ZNF652: variants seen among roughly 807,000 people sequenced by gnomAD.
ZNF652 encodes the protein zinc finger protein 652.
In ZNF652, 16 loss-of-function variants were observed where a neutral mutation model predicts 45.2. The observed-to-expected ratio is 0.35, with a 90% confidence interval of 0.24 to 0.54. The LOEUF (loss-of-function observed/expected upper bound fraction) is 0.54. Ranked by LOEUF, ZNF652 falls within the 20% of genes least tolerant of loss-of-function variation. ZNF652 has a pLI of 0.91. For missense variants in ZNF652, 614 were observed against 765.6 expected (o/e 0.80, Z 2.34); for synonymous variants, 250 against 260.6 (o/e 0.96, Z 0.39).
At chr17:49,339,386 T>A (rs1358148048) in intron 1 of ZNF652, among the ~76,000 whole-genome samples, 1 of 149,660 alleles carries the variant, frequency 6.7e-6, no homozygotes, top group Non-Finnish European at 1.5e-5. Context: ...TATTTAAAAG[T>A]AATAACAAAA....
intron 1 of ZNF652, among the ~76,000 whole-genome samples, chr17:49,341,575 G>A (rs963908617): frequency 2.6e-5 from 4 of 151,224 alleles, no homozygotes; most frequent in African/African-American, 4.9e-5. Context: ...GAGAAGGAAG[G>A]ATCGCTTGAG....
rs2069449359 is a variant in ZNF652, at chr17:49,294,783, G to A, written c.*3630C>T. ...AAGTAACGAGAGACAGCCTCAATTT[G>A]TTATCTATATAATGCTTAAATGCAG... On this transcript the variant is annotated 3_prime_UTR_variant, in exon 6 of 6. Coordinates refer to ENST00000430262, the MANE Select transcript of ZNF652 (RefSeq NM_001145365.3). 1.3e-5 allele frequency: 2 copies of A among 152,158 alleles called. No homozygotes were observed. Among genetic ancestry groups the A allele is most frequent in the African/African-American group, 4.8e-5 (2 of 41,438 alleles). 9.4% of individuals were successfully genotyped at this position (152,158 alleles called of 1,614,324 possible).
rs1481653443 is a variant in ZNF652 at position 49,296,480 on chromosome 17, A to C, written c.*1933T>G. 2 of 152,634 alleles carry C rather than the reference A, an allele frequency of 1.3e-5. No individual in the cohort carries two copies. The highest frequency in any genetic ancestry group is 6.5e-5 in the Admixed American group (1 of 15,282). 9.5% of individuals were successfully genotyped at this position (152,634 alleles called of 1,614,324 possible). On this transcript the variant is annotated 3_prime_UTR_variant, in exon 6 of 6. Coordinates refer to ENST00000430262, the MANE Select transcript of ZNF652 (RefSeq NM_001145365.3). ...GTGCTCGAAGCATATCTGCACATTT[A>C]ATATTAAAAATAAAAAAATAAATAA...
chr17:49,339,549 C>A (rs774288222), intron 1 of ZNF652, among the ~76,000 whole-genome samples: 23 of 152,070 alleles, frequency 1.5e-4, no homozygotes, highest in Non-Finnish European at 3.2e-4. Context: ...ACTTCCAAGA[C>A]AATCTGGCCT....
chr17:49,321,342 C>A (rs2069888861), intron 1 of ZNF652, among the ~76,000 whole-genome samples: 1 of 151,396 alleles, frequency 6.6e-6, no homozygotes, highest in South Asian at 2.1e-4. Flanking sequence ...TGGCTCACTG[C>A]AACCTCTGCC....
Position 49,297,708 on chromosome 17 carries a change from C to T in ZNF652, c.*705G>A, listed in dbSNP as rs1018401211. ...AAGTTATATGCATCTTTAAGAATCA[C>T]ATTTTGATGATTATAAAAATTTTTT... On this transcript the variant is annotated 3_prime_UTR_variant, in exon 6 of 6. Transcript: ENST00000430262. 2.0e-5 allele frequency: 3 copies of T among 152,588 alleles called. No individual in the cohort carries two copies. Among genetic ancestry groups the T allele is most frequent in the African/African-American group, 7.2e-5 (3 of 41,432 alleles). 9.5% of individuals were successfully genotyped at this position (152,588 alleles called of 1,614,324 possible). A position where few individuals can be genotyped will look rare whatever the true frequency, so the allele number is the denominator to read the frequency against.
chr17:49,306,449 G>A (rs912829828), intron 5 of ZNF652, among the ~76,000 whole-genome samples: 1 of 151,992 alleles, frequency 6.6e-6, no homozygotes, highest in South Asian at 2.1e-4. Context: ...TTTCCCTCTG[G>A]GTTTTTTCAA....
At chr17:49,321,406 G>A (rs756447798) in intron 1 of ZNF652, among the ~76,000 whole-genome samples, 1 of 146,586 alleles carries the variant, frequency 6.8e-6, no homozygotes, top group Non-Finnish European at 1.5e-5. Context: ...TGGGACTACC[G>A]GCGCCCACCA....
chr17:49,338,589 A>C (rs1259429718), intron 1 of ZNF652, among the ~76,000 whole-genome samples: 1 of 152,234 alleles, frequency 6.6e-6, no homozygotes, highest in Non-Finnish European at 1.5e-5. Flanking sequence ...CTTGAAGTCT[A>C]CAGCATCCTA....
At chr17:49,325,853 C>A (rs1252902327) in intron 1 of ZNF652, among the ~76,000 whole-genome samples, 1 of 151,958 alleles carries the variant, frequency 6.6e-6, no homozygotes, top group Non-Finnish European at 1.5e-5. Flanking sequence ...GGTTTTTCCA[C>A]AAAGACCAGA....
At chr17:49,313,713 C>T (rs143872436) in intron 2 of ZNF652, among the ~76,000 whole-genome samples, 1 of 151,560 alleles carries the variant, frequency 6.6e-6, no homozygotes, top group East Asian at 2.0e-4. Flanking sequence ...TGGCTCACGC[C>T]TATAATCCCA....
At chr17:49,345,010 A>T (rs1224748677) in intron 1 of ZNF652, among the ~76,000 whole-genome samples, 1 of 152,132 alleles carries the variant, frequency 6.6e-6, no homozygotes, top group East Asian at 1.9e-4. Flanking sequence ...AGTAATTATT[A>T]GTCTCTTTTA....
chr17:49,307,422 C>T (rs1430901277), intron 5 of ZNF652, among the ~76,000 whole-genome samples: 10 of 117,934 alleles, frequency 8.5e-5, no homozygotes, highest in African/African-American at 3.0e-4. Flanking sequence ...CAGAGTGAGA[C>T]TCTGTCTCAA....
chr17:49,316,224 T>C (rs895550140), intron 2 of ZNF652, among the ~76,000 whole-genome samples: 5 of 152,366 alleles, frequency 3.3e-5, no homozygotes, highest in Admixed American at 2.6e-4. Context: ...AGTGGCATTA[T>C]GTAACCCTAC....
intron 1 of ZNF652, among the ~76,000 whole-genome samples, chr17:49,341,971 A>G (rs2070152076): frequency 6.6e-6 from 1 of 152,208 alleles, no homozygotes; most frequent in Non-Finnish European, 1.5e-5. Flanking sequence ...AGATCGCCTG[A>G]GATCAGGAGT....
At position 49,298,372 on chromosome 17, in the gene ZNF652, T is replaced by A; in HGVS notation, c.*41A>T. On this transcript the variant is annotated 3_prime_UTR_variant, in exon 6 of 6. Coordinates refer to ENST00000430262, the MANE Select transcript of ZNF652 (RefSeq NM_001145365.3). ...GACTCCCTCTGTGCACGCTCACACA[T>A]GGGGACGTGTCTCCTGGAGAACACA... is the stretch of plus-strand genomic sequence containing the variant. 1 of 1,609,824 alleles carries A rather than the reference T, an allele frequency of 6.2e-7. No individual in the cohort carries two copies. Among genetic ancestry groups the A allele is most frequent in the South Asian group, 1.1e-5 (1 of 90,648 alleles).
At chr17:49,303,602 T>A (rs1017000187) in intron 5 of ZNF652, among the ~76,000 whole-genome samples, 3 of 152,106 alleles carry the variant, frequency 2.0e-5, no homozygotes, top group Admixed American at 6.6e-5. Context: ...TAAAAGCACA[T>A]GTTTGATTAA....
chr17:49,333,525 T>A (rs1262522243), intron 1 of ZNF652, among the ~76,000 whole-genome samples: 1 of 108,488 alleles, frequency 9.2e-6, no homozygotes, highest in Admixed American at 1.1e-4. Flanking sequence ...CTGGCTAACA[T>A]AGTGAAACCC....
At chr17:49,354,796 G>A (rs2070318743) in intron 1 of ZNF652, among the ~76,000 whole-genome samples, 1 of 151,838 alleles carries the variant, frequency 6.6e-6, no homozygotes, top group African/African-American at 2.4e-5. Flanking sequence ...TGCAATCTTG[G>A]CTCACTGCAA....
Sources: gnomAD v4.1 joint callset for allele counts (sites outside exome capture counted in the v4.1 genomes callset) on GRCh38, gnomAD v4.1.1 for gene constraint, MANE v1.5 for transcripts, NCBI Gene and HGNC (gene_info 2026-07-23, HGNC 2026-07-21) for gene names.